Variants in IL10RB observed in about 807,000 individuals in gnomAD.
IL10RB encodes the protein interleukin 10 receptor subunit beta, also known as interleukin-10 receptor subunit beta.
In IL10RB, 30 loss-of-function variants were observed where a neutral mutation model predicts 38.7. That is an observed-to-expected ratio of 0.78 (90% CI 0.58 to 1.05). The LOEUF (loss-of-function observed/expected upper bound fraction) is 1.05, where lower values mean the gene tolerates loss of function less well. Ranked by LOEUF, IL10RB falls within the 50% of genes least tolerant of loss-of-function variation. IL10RB has a pLI of 0.00. For missense variants in IL10RB, 328 were observed against 397.1 expected, an observed-to-expected ratio of 0.83 and a Z score of 1.48; for synonymous variants, 142 against 145.9, an observed-to-expected ratio of 0.97 and a Z score of 0.19.
chr21:33,276,518 T>A (rs1191951666), intron 2 of IL10RB, 78 bp from the exon 3 acceptor site: 245 of 1,072,752 alleles, frequency 2.3e-4, no homozygotes, highest in Middle Eastern at 4.2e-4. Context: ...CGCCCCCCCC[T>A]CCAAATTAAG....
At chr21:33,277,032 A>G (rs8178474) in intron 3 of IL10RB, among the ~76,000 whole-genome samples, 17,447 of 138,318 alleles carry the variant, frequency 0.13, 1,018 homozygotes, top group Middle Eastern at 0.17. Context: ...GTTGAGGAGA[A>G]GTTCTGGAAG....
At chr21:33,292,925 G>A (rs183478968) in intron 6 of IL10RB, among the ~76,000 whole-genome samples, 87 of 152,284 alleles carry the variant, frequency 5.7e-4, no homozygotes, top group African/African-American at 1.8e-3. Context: ...GGGCCCCTCC[G>A]TGCCAGCAGC....
At chr21:33,288,075 G>T in intron 5 of IL10RB, 29 bp from the exon 6 acceptor site, 5 of 1,611,330 alleles carry the variant, frequency 3.1e-6, no homozygotes, top group Non-Finnish European at 4.2e-6. Context: ...CCTGTGACAA[G>T]AATGTAACAT....
chr21:33,307,901 T>A (rs1236594677), intron 1 of IL10RB, among the ~76,000 whole-genome samples: 1 of 152,226 alleles, frequency 6.6e-6, no homozygotes. Context: ...CATTGTATAT[T>A]TCATTCACTC....
chr21:33,277,757 C>A (rs370703991), intron 3 of IL10RB, among the ~76,000 whole-genome samples: 32 of 147,136 alleles, frequency 2.2e-4, no homozygotes, highest in African/African-American at 8.1e-4. Flanking sequence ...CTGCAAACTG[C>A]CTCCAGGGTT....
At chr21:33,297,337 G>A (rs2082971874), downstream of IL10RB, 3 of 151,868 alleles carry the variant, frequency 2.0e-5, no homozygotes, top group Admixed American at 1.3e-4. Context: ...CTGTTGACCA[G>A]GCACTGTGTT....
Position 33,296,601 on chromosome 21 carries a change from C to G in IL10RB, c.*244C>G. 1 of 648,484 alleles carries G rather than the reference C, an allele frequency of 1.5e-6. No homozygotes were observed. The allele number at this position is 648,484 out of a possible 1,614,324, so 40.2% of individuals were successfully genotyped here. A position where few individuals can be genotyped will look rare whatever the true frequency, so the allele number is the denominator to read the frequency against. On this transcript the variant is annotated 3_prime_UTR_variant, in exon 7 of 7. Transcript: ENST00000290200. ...TCATGATGTTTTCAGAAGTTGGCCA[C>G]TGAGAGTGTAATTTTCAGCCTTTTA...
intron 1 of IL10RB, among the ~76,000 whole-genome samples, chr21:33,266,873 T>C (rs1988961656): frequency 6.6e-6 from 1 of 152,110 alleles, no homozygotes; most frequent in African/African-American, 2.4e-5. Flanking sequence ...CATCTGACCC[T>C]TCTGGAGACT....
intron 2 of IL10RB, 106 bp from the exon 3 acceptor site, chr21:33,276,490 C>G: frequency 1.2e-6 from 1 of 847,130 alleles, no homozygotes; most frequent in East Asian, 2.4e-5. Context: ...ATGTTTAACA[C>G]AGTTTCCACT....
At chr21:33,267,651 AATT>A (rs1988992491) in intron 1 of IL10RB, among the ~76,000 whole-genome samples, 1 of 150,420 alleles carries the variant, frequency 6.6e-6, no homozygotes, top group South Asian at 2.1e-4. Context: ...GAGTAGCTGG[AATT>A]ACAGGTGTGT....
chr21:33,272,083 C>G (rs1350346142), intron 2 of IL10RB, among the ~76,000 whole-genome samples: 1 of 151,972 alleles, frequency 6.6e-6, no homozygotes, highest in Non-Finnish European at 1.5e-5. Context: ...GTTAAGCAGC[C>G]GTGAAGAAAT....
chr21:33,299,129 C>G (rs899153567), downstream of IL10RB, among the ~76,000 whole-genome samples: 1 of 152,190 alleles, frequency 6.6e-6, no homozygotes, highest in African/African-American at 2.4e-5. Context: ...CTCGCACCCC[C>G]TCCCTCTGCA....
At chr21:33,282,610 C>G (rs1175449749) in intron 4 of IL10RB, among the ~76,000 whole-genome samples, 1 of 152,116 alleles carries the variant, frequency 6.6e-6, no homozygotes, top group African/African-American at 2.4e-5. Context: ...GAGACAAAGT[C>G]TCGCTCTGTC....
At chr21:33,270,929 T>TCTC (rs28385657) in intron 2 of IL10RB, among the ~76,000 whole-genome samples, 6,264 of 147,702 alleles carry the variant, frequency 0.042, 194 homozygotes, top group Non-Finnish European at 0.06. Flanking sequence ...CCTGCCTCAG[T>TCTC]CTCCCAAAGA....
At chr21:33,266,750 C>T (rs1366066024) in intron 1 of IL10RB, among the ~76,000 whole-genome samples, 3 of 152,214 alleles carry the variant, frequency 2.0e-5, no homozygotes, top group Non-Finnish European at 4.4e-5. Flanking sequence ...GGGCCCTAAA[C>T]TCAGGGGGAG....
Position 33,296,479 on chromosome 21 carries a change from A to C in IL10RB, c.*122A>C. On this transcript the variant is annotated 3_prime_UTR_variant, in exon 7 of 7. Coordinates refer to ENST00000290200, the MANE Select transcript of IL10RB (RefSeq NM_000628.5). ...CATCTGAGCCAGCCCCACATCTAGA[A>C]CTCCCAGACCCTGGACTTAGCCACC... 1.1e-6 allele frequency: 1 copy of C among 948,154 alleles called. No homozygotes were observed. The highest frequency in any genetic ancestry group is 1.6e-6 in the Non-Finnish European group (1 of 606,548). 58.7% of individuals were successfully genotyped at this position (948,154 alleles called of 1,614,324 possible).
chr21:33,283,162 T>C lies in IL10RB; in HGVS notation c.567T>C (p.Val189=), dbSNP rs913367062. 4 of 1,614,078 alleles carry C rather than the reference T, an allele frequency of 2.5e-6. No individual in the cohort carries two copies. Among genetic ancestry groups the C allele is most frequent in the Middle Eastern group, 1.6e-4 (1 of 6,062 alleles). The part of the protein sequence containing the change: ...RNLEPWTTYC[V]QVRGFLPDRN... ...TGGAGCCATGGACAACTTATTGTGT[T>C]CAAGTTCGAGGGTTTCTTCCTGATC... The change falls in exon 5 of 7, where the codon GTT becomes GTC. Residue 189 remains valine (V), a synonymous_variant. Coordinates refer to ENST00000290200, the MANE Select transcript of IL10RB (RefSeq NM_000628.5).
chr21:33,285,917 A>G (rs1274502050), intron 5 of IL10RB, among the ~76,000 whole-genome samples: 3 of 152,144 alleles, frequency 2.0e-5, no homozygotes, highest in African/African-American at 7.2e-5. Flanking sequence ...GCAGACTCAC[A>G]TGTTTGAGCT....
chr21:33,300,455 A>G (rs1241596760), downstream of IL10RB, among the ~76,000 whole-genome samples: 3 of 149,858 alleles, frequency 2.0e-5, no homozygotes, highest in African/African-American at 7.4e-5. Context: ...AAAAAAAAAA[A>G]AGGTAAACAA....
Sources: gnomAD v4.1 joint callset for allele counts (sites outside exome capture counted in the v4.1 genomes callset) on GRCh38, gnomAD v4.1.1 for gene constraint, MANE v1.5 for transcripts, NCBI Gene and HGNC (gene_info 2026-07-23, HGNC 2026-07-21) for gene names.